AP3S1: variants seen among roughly 807,000 people sequenced by gnomAD.
AP3S1 encodes the protein adaptor related protein complex 3 subunit sigma 1.
Under a neutral mutation model 21.3 loss-of-function variants are expected in AP3S1, and 12 were observed. The ratio of observed to expected loss-of-function variants is 0.56; its 90% CI spans 0.36 to 0.91. The LOEUF is 0.91. Ranked by LOEUF, AP3S1 falls within the 40% of genes least tolerant of loss-of-function variation. The pLI, the probability that AP3S1 is intolerant of heterozygous loss-of-function variation, is 0.01. For synonymous variants in AP3S1, 48 were observed against 78.4 expected, an observed-to-expected ratio of 0.61 and a Z score of 2.05; for missense variants, 116 against 225.0, an observed-to-expected ratio of 0.52 and a Z score of 3.10.
chr5:115,879,205 A>G (rs1436512666), intron 3 of AP3S1, among the ~76,000 whole-genome samples: 1 of 152,138 alleles, frequency 6.6e-6, no homozygotes, highest in Non-Finnish European at 1.5e-5. Context: ...CTCTTGCCTG[A>G]TTGCCCTGGC....
At chr5:115,894,830 C>T (rs1750609368) in intron 3 of AP3S1, among the ~76,000 whole-genome samples, 1 of 152,118 alleles carries the variant, frequency 6.6e-6, no homozygotes, top group African/African-American at 2.4e-5. Context: ...AGAAATGGTG[C>T]TAAGACTTTC....
intron 2 of AP3S1, among the ~76,000 whole-genome samples, 166 bp from the exon 3 acceptor site, chr5:115,869,851 C>T (rs375440970): frequency 2.0e-5 from 3 of 152,198 alleles, no homozygotes; most frequent in South Asian, 2.1e-4. Flanking sequence ...AAGAAAACAG[C>T]CACCTTAATT....
chr5:115,889,145 A>G (rs1401593111), intron 3 of AP3S1, among the ~76,000 whole-genome samples: 1 of 152,150 alleles, frequency 6.6e-6, no homozygotes, highest in Non-Finnish European at 1.5e-5. Flanking sequence ...TTTTTGCCCA[A>G]TATAATCTGC....
intron 3 of AP3S1, among the ~76,000 whole-genome samples, chr5:115,888,471 C>G (rs533564740): frequency 6.6e-6 from 1 of 151,984 alleles, no homozygotes. Flanking sequence ...TTTGCTAAAT[C>G]AAAAGAAAAT....
At chr5:115,886,313 C>G (rs1275679118) in intron 3 of AP3S1, among the ~76,000 whole-genome samples, 1 of 152,124 alleles carries the variant, frequency 6.6e-6, no homozygotes, top group Non-Finnish European at 1.5e-5. Flanking sequence ...ATAAAGATTA[C>G]ACTGAGTGTA....
At chr5:115,855,758 A>G (rs1443098953) in intron 1 of AP3S1, among the ~76,000 whole-genome samples, 1 of 152,270 alleles carries the variant, frequency 6.6e-6, no homozygotes, top group East Asian at 1.9e-4. Flanking sequence ...GCTGTTTGAG[A>G]AAAGGATCTA....
chr5:115,858,731 C>G (rs375892208), intron 1 of AP3S1, among the ~76,000 whole-genome samples: 3 of 151,128 alleles, frequency 2.0e-5, no homozygotes, highest in African/African-American at 7.3e-5. Flanking sequence ...TTTAAAATTT[C>G]TCCATATATT....
intron 1 of AP3S1, among the ~76,000 whole-genome samples, chr5:115,842,918 G>T (rs1187916864): frequency 6.6e-6 from 1 of 152,184 alleles, no homozygotes; most frequent in Non-Finnish European, 1.5e-5. Context: ...ATTTTTCCAC[G>T]TATGGGAATT....
At chr5:115,862,633 G>T (rs772564263) in intron 1 of AP3S1, among the ~76,000 whole-genome samples, 22 of 152,142 alleles carry the variant, frequency 1.4e-4, no homozygotes, top group Non-Finnish European at 2.5e-4. Context: ...GGTAAATTCA[G>T]GTGTTTTGAG....
chr5:115,909,018 G>A (rs1246759523), intron 5 of AP3S1: 2 of 982,946 alleles, frequency 2.0e-6, no homozygotes, highest in Non-Finnish European at 2.4e-6. Flanking sequence ...CTTCCAGCAG[G>A]AAGGGTGGGT....
intron 3 of AP3S1, among the ~76,000 whole-genome samples, chr5:115,884,111 T>C (rs542930906): frequency 2.7e-4 from 41 of 152,298 alleles, no homozygotes; most frequent in African/African-American, 9.4e-4. Flanking sequence ...CAGTGGTTGC[T>C]GAGATCTATT....
chr5:115,849,034 A>G (rs983872001), intron 1 of AP3S1, among the ~76,000 whole-genome samples: 2 of 152,124 alleles, frequency 1.3e-5, no homozygotes, highest in Non-Finnish European at 2.9e-5. Flanking sequence ...GTCTTTCTGG[A>G]TACTTTCTGA....
At chr5:115,890,149 T>C (rs1750163575) in intron 3 of AP3S1, among the ~76,000 whole-genome samples, 1 of 152,222 alleles carries the variant, frequency 6.6e-6, no homozygotes, top group Non-Finnish European at 1.5e-5. Flanking sequence ...ACTCCAAGTA[T>C]ACAATCAGTA....
chr5:115,894,163 A>G (rs1750551648), intron 3 of AP3S1, among the ~76,000 whole-genome samples: 2 of 152,232 alleles, frequency 1.3e-5, no homozygotes, highest in African/African-American at 4.8e-5. Flanking sequence ...CTCCAGTTGC[A>G]AGCTGTCAGG....
At chr5:115,913,019 A>G (rs1351578071) in intron 5 of AP3S1, among the ~76,000 whole-genome samples, 2 of 152,164 alleles carry the variant, frequency 1.3e-5, no homozygotes, top group African/African-American at 2.4e-5. Flanking sequence ...TAATAAGGAA[A>G]CTAATGTAAA....
intron 1 of AP3S1, among the ~76,000 whole-genome samples, chr5:115,863,711 A>G (rs1242443975): frequency 6.6e-6 from 1 of 152,222 alleles, no homozygotes; most frequent in Non-Finnish European, 1.5e-5. Flanking sequence ...GGAATGCTAT[A>G]AGAAAGGCAT....
At chr5:115,842,338 C>T (rs1216772978) in intron 1 of AP3S1, 4 of 513,088 alleles carry the variant, frequency 7.8e-6, no homozygotes, top group Non-Finnish European at 1.3e-5. Flanking sequence ...CTCCGCCCGT[C>T]GGTGGGCTGC....
chr5:115,865,695 G>T (rs1487546588), intron 1 of AP3S1, among the ~76,000 whole-genome samples: 1 of 152,034 alleles, frequency 6.6e-6, no homozygotes, highest in Non-Finnish European at 1.5e-5. Flanking sequence ...TTACTACTGC[G>T]ATTTAGTATC....
At chr5:115,887,226 C>T (rs1749868451) in intron 3 of AP3S1, among the ~76,000 whole-genome samples, 1 of 151,990 alleles carries the variant, frequency 6.6e-6, no homozygotes, top group African/African-American at 2.4e-5. Context: ...TTGAGTTAAA[C>T]CAAGATATTT....
Sources: gnomAD v4.1 joint callset for allele counts (sites outside exome capture counted in the v4.1 genomes callset) on GRCh38, gnomAD v4.1.1 for gene constraint, MANE v1.5 for transcripts, NCBI Gene and HGNC (gene_info 2026-07-23, HGNC 2026-07-21) for gene names.